The following IPO11 variants were observed in gnomAD, a reference collection of about 807,000 sequenced individuals.
IPO11 encodes importin-11.
In IPO11, 66 loss-of-function variants were observed where a neutral mutation model predicts 143.2. The observed-to-expected ratio is 0.46, with a 90% confidence interval of 0.38 to 0.57. IPO11 has a LOEUF of 0.57. Ranked by LOEUF, IPO11 falls within the 20% of genes least tolerant of loss-of-function variation. The probability of loss-of-function intolerance (pLI) is 0.00; values close to 1 mark genes in which losing one functional copy is unlikely to be tolerated. For synonymous variants in IPO11, 385 were observed against 377.8 expected (o/e 1.02, Z -0.22); for missense variants, 1,026 against 1,141.0 (o/e 0.90, Z 1.45).
At position 62,627,936 on chromosome 5, in the gene IPO11, G is replaced by A. The variant is rs1001136753; in HGVS notation, c.*618G>A. 1 of 152,032 alleles carries A rather than the reference G, an allele frequency of 6.6e-6. No individual in the cohort carries two copies. The highest frequency in any genetic ancestry group is 1.5e-5 in the Non-Finnish European group (1 of 68,002). 9.4% of individuals were successfully genotyped at this position (152,032 alleles called of 1,614,324 possible). A position where few individuals can be genotyped will look rare whatever the true frequency, so the allele number is the denominator to read the frequency against. ...TAATTTGATACAGAAATTAGTAAAG[G>A]CATTTTTTTCTTTTTTTTTCCAGTA... On this transcript the variant is annotated 3_prime_UTR_variant, in exon 30 of 30. Transcript: ENST00000325324.
chr5:62,481,108 C>T (rs144521627), intron 9 of IPO11, among the ~76,000 whole-genome samples: 1 of 151,704 alleles, frequency 6.6e-6, no homozygotes, highest in Non-Finnish European at 1.5e-5. Context: ...TTAGTAGAGA[C>T]AGGGTTTCAC....
intron 27 of IPO11, chr5:62,578,684 A>G (rs1202831590): frequency 6.4e-6 from 3 of 468,136 alleles, no homozygotes; most frequent in Non-Finnish European, 1.3e-5. Context: ...ACACAGATAA[A>G]ATTACTTCCT....
intron 4 of IPO11, among the ~76,000 whole-genome samples, chr5:62,451,219 AT>A (rs898694120): frequency 3.4e-4 from 52 of 152,330 alleles, no homozygotes; most frequent in African/African-American, 1.2e-3. Context: ...TACTGCTAAA[AT>A]TGAAGACCTT....
chr5:62,480,284 T>C (rs1033379468), intron 9 of IPO11, among the ~76,000 whole-genome samples: 4 of 152,176 alleles, frequency 2.6e-5, no homozygotes, highest in African/African-American at 9.7e-5. Flanking sequence ...CCCTATTCTG[T>C]TCCGTTGGTC....
At chr5:62,527,178 A>G (rs1279774771) in intron 21 of IPO11, among the ~76,000 whole-genome samples, 1 of 152,230 alleles carries the variant, frequency 6.6e-6, no homozygotes, top group East Asian at 1.9e-4. Flanking sequence ...AATGGCATGT[A>G]TGTGGTTTGG....
At chr5:62,561,704 T>A (rs1469082935) in intron 27 of IPO11, among the ~76,000 whole-genome samples, 4 of 152,210 alleles carry the variant, frequency 2.6e-5, no homozygotes, top group African/African-American at 9.6e-5. Context: ...CGTTTGCAAG[T>A]TGTTTTTTTT....
At chr5:62,550,594 G>A (rs371162420) in intron 25 of IPO11, 132 bp downstream of exon 25, 35 of 577,298 alleles carry the variant, frequency 6.1e-5, no homozygotes, top group African/African-American at 4.0e-4. Context: ...TTTTCAGGGC[G>A]GTTAGACACC....
At chr5:62,616,383 A>C (rs1036322245) in intron 29 of IPO11, among the ~76,000 whole-genome samples, 4 of 152,156 alleles carry the variant, frequency 2.6e-5, no homozygotes, top group African/African-American at 9.7e-5. Flanking sequence ...TTCCTCAATA[A>C]ATCAAAATAT....
At chr5:62,475,322 A>C (rs1358510616) in intron 8 of IPO11, among the ~76,000 whole-genome samples, 4 of 152,022 alleles carry the variant, frequency 2.6e-5, no homozygotes, top group Non-Finnish European at 5.9e-5. Context: ...GGAGTTGGAG[A>C]CCAGCCTGGG....
chr5:62,584,451 A>G (rs1229551410), intron 27 of IPO11, among the ~76,000 whole-genome samples: 1 of 151,916 alleles, frequency 6.6e-6, no homozygotes, highest in Non-Finnish European at 1.5e-5. Context: ...TACCAAAAAT[A>G]AAAATAAAAA....
chr5:62,567,314 T>C (rs1167753791), intron 27 of IPO11, among the ~76,000 whole-genome samples: 1 of 151,960 alleles, frequency 6.6e-6, no homozygotes, highest in Non-Finnish European at 1.5e-5. Flanking sequence ...ATGTTACTGG[T>C]TTTATTGCTG....
intron 28 of IPO11, among the ~76,000 whole-genome samples, chr5:62,598,436 CTCTCTCTCTCT>C (rs1745335790): frequency 5.7e-4 from 1 of 1,760 alleles, no homozygotes; most frequent in African/African-American, 7.6e-3. Flanking sequence ...TTCTTTCTCT[CTCTCTCTCTCT>C]CTCTCTCTCT....
chr5:62,485,402 C>T lies in IPO11; in HGVS notation c.1175-17C>T. On this transcript the variant is annotated splice_polypyrimidine_tract_variant and intron_variant, in intron 11 of 29. Coordinates refer to ENST00000325324, the MANE Select transcript of IPO11 (RefSeq NM_016338.5). ...CAAGATGTTGAAAATGTCATTATTA[C>T]ATATTTTTAATTGCAGCAGTGGAAG... 6.3e-7 allele frequency: 1 copy of T among 1,589,932 alleles called. No individual in the cohort carries two copies. The highest frequency in any genetic ancestry group is 1.1e-5 in the South Asian group (1 of 90,446).
intron 29 of IPO11, among the ~76,000 whole-genome samples, 195 bp downstream of exon 29, chr5:62,602,043 A>G (rs968000408): frequency 6.6e-6 from 1 of 152,186 alleles, no homozygotes; most frequent in East Asian, 1.9e-4. Context: ...TTAACTTTTC[A>G]TCTGAAATAA....
At chr5:62,541,807 A>G (rs1021556622) in intron 24 of IPO11, among the ~76,000 whole-genome samples, 17 of 152,312 alleles carry the variant, frequency 1.1e-4, no homozygotes, top group East Asian at 1.9e-4. Flanking sequence ...TCAAAAATCT[A>G]TAGTCAAATA....
chr5:62,462,165 G>T (rs1745382746), intron 5 of IPO11, among the ~76,000 whole-genome samples: 1 of 152,110 alleles, frequency 6.6e-6, no homozygotes, highest in Non-Finnish European at 1.5e-5. Context: ...AAATAGAGTG[G>T]AATTACTGAA....
At chr5:62,416,682 C>G (rs1299949062) in intron 1 of IPO11, among the ~76,000 whole-genome samples, 7 of 151,546 alleles carry the variant, frequency 4.6e-5, no homozygotes, top group African/African-American at 9.7e-5. Context: ...ACTAACTTAA[C>G]AAGGATTTAA....
intron 1 of IPO11, among the ~76,000 whole-genome samples, chr5:62,416,641 A>G (rs891041495): frequency 6.6e-6 from 1 of 152,086 alleles, no homozygotes; most frequent in Non-Finnish European, 1.5e-5. Context: ...AGTTCAATCC[A>G]TAACATTCAG....
chr5:62,452,003 A>G, intron 5 of IPO11, 70 bp downstream of exon 5: 2 of 1,242,592 alleles, frequency 1.6e-6, no homozygotes, highest in East Asian at 2.3e-5. Flanking sequence ...TTATGCCTGT[A>G]ATCTCAGCAC....
Sources: gnomAD v4.1 joint callset for allele counts (sites outside exome capture counted in the v4.1 genomes callset) on GRCh38, gnomAD v4.1.1 for gene constraint, MANE v1.5 for transcripts, NCBI Gene and HGNC (gene_info 2026-07-23, HGNC 2026-07-21) for gene names.